Variants in FNDC3A observed in about 807,000 individuals in gnomAD.
FNDC3A encodes the protein fibronectin type-III domain-containing protein 3A.
A neutral mutation model predicts 148.9 loss-of-function variants in FNDC3A; 32 were observed. The observed-to-expected ratio is 0.21, with a 90% CI of 0.16 to 0.29. FNDC3A has a LOEUF of 0.29. FNDC3A is among the 10% of genes least tolerant of loss of function. FNDC3A has a pLI of 1.00. For synonymous variants in FNDC3A, 472 were observed against 473.6 expected (o/e 1.00, Z 0.04); for missense variants, 1,191 against 1,452.8 (o/e 0.82, Z 2.93).
chr13:49,130,298 A>G (rs796173323), intron 4 of FNDC3A, among the ~76,000 whole-genome samples: 23 of 151,970 alleles, frequency 1.5e-4, no homozygotes, highest in African/African-American at 5.5e-4. Flanking sequence ...AGGAGTTAAT[A>G]TAGTAATATT....
chr13:49,167,432 C>A, intron 9 of FNDC3A, 129 bp downstream of exon 9: 3 of 598,208 alleles, frequency 5.0e-6, no homozygotes, highest in South Asian at 6.6e-5. Flanking sequence ...ACTTTGTGGG[C>A]TGGGCGCAGT....
At chr13:49,054,004 T>G (rs1414060915) in intron 2 of FNDC3A, among the ~76,000 whole-genome samples, 1 of 152,218 alleles carries the variant, frequency 6.6e-6, no homozygotes, top group Non-Finnish European at 1.5e-5. Flanking sequence ...TGGTATCTTG[T>G]TTCTGCAAAG....
intron 13 of FNDC3A, among the ~76,000 whole-genome samples, chr13:49,176,860 G>T (rs1251916436): frequency 6.6e-6 from 1 of 152,142 alleles, no homozygotes; most frequent in East Asian, 1.9e-4. Flanking sequence ...GAGTGCAGTG[G>T]CACAATCTCA....
intron 3 of FNDC3A, among the ~76,000 whole-genome samples, chr13:49,098,707 C>T (rs1019666409): frequency 6.6e-6 from 1 of 152,116 alleles, no homozygotes; most frequent in African/African-American, 2.4e-5. Flanking sequence ...ATCACTGATA[C>T]ATCTAATTGT....
intron 2 of FNDC3A, among the ~76,000 whole-genome samples, chr13:49,043,619 T>A (rs900161232): frequency 5.3e-5 from 8 of 152,352 alleles, no homozygotes; most frequent in East Asian, 1.9e-4. Context: ...GTAATTTTTT[T>A]AATTCAATTT....
chr13:49,191,979 C>T (rs1018384127), intron 19 of FNDC3A, among the ~76,000 whole-genome samples: 1 of 152,078 alleles, frequency 6.6e-6, no homozygotes, highest in African/African-American at 2.4e-5. Context: ...AAATATTTTG[C>T]CCACAGTCAT....
At chr13:49,146,290 A>G (rs1882990235) in intron 8 of FNDC3A, 1 of 179,046 alleles carries the variant, frequency 5.6e-6, no homozygotes, top group Non-Finnish European at 1.2e-5. Flanking sequence ...ATAAAGTATG[A>G]CATTGCTCCT....
In FNDC3A at chr13:49,047,149, T is replaced by A. The variant is rs571650347; in HGVS notation, c.100-28140T>A. ...CCAGGTTGCTGCAAGTGCCATTATT[T>A]TTTTTTTTTTAATGCCTGAGTAGTA... On this transcript the variant is annotated intron_variant, in intron 2 of 25. Transcript: ENST00000492622. Among the ~76,000 whole-genome samples, 337 of 151,268 alleles carry A rather than the reference T, an allele frequency of 2.2e-3. 2 individuals carry two copies. Among genetic ancestry groups the A allele is most frequent in the African/African-American group, 7.1e-3 (291 of 40,966 alleles).
chr13:49,077,979 T>C (rs1294959907), intron 3 of FNDC3A, among the ~76,000 whole-genome samples: 1 of 152,226 alleles, frequency 6.6e-6, no homozygotes, highest in Non-Finnish European at 1.5e-5. Flanking sequence ...TTTTATTCTG[T>C]GTACTTCATA....
intron 2 of FNDC3A, among the ~76,000 whole-genome samples, chr13:49,035,396 A>C (rs1874423231): frequency 6.6e-6 from 1 of 151,998 alleles, no homozygotes; most frequent in African/African-American, 2.4e-5. Flanking sequence ...TATTTTAAGA[A>C]TCTCCTGTAT....
At chr13:49,086,043 C>T (rs1485262074) in intron 3 of FNDC3A, among the ~76,000 whole-genome samples, 2 of 152,030 alleles carry the variant, frequency 1.3e-5, no homozygotes, top group African/African-American at 4.8e-5. Flanking sequence ...CCATCATGCC[C>T]GGCTAATTTT....
chr13:49,048,677 A>C lies in FNDC3A; in HGVS notation c.100-26612A>C, dbSNP rs2137706127. On this transcript the variant is annotated intron_variant, in intron 2 of 25. Coordinates refer to ENST00000492622, the MANE Select transcript of FNDC3A (RefSeq NM_001079673.2). ...TGTGTATATTAATTTTGTATCCTGAAATTTTGCTGAATTCATCTACAGTTC... is the reference window on the plus strand; with the variant it reads ...TGTGTATATTAATTTTGTATCCTGACATTTTGCTGAATTCATCTACAGTTC... Among the ~76,000 whole-genome samples the C allele has an allele frequency of 2.0e-5, 3 of 152,176 alleles. No individual in the cohort carries two copies. In the South Asian group the frequency reaches 6.2e-4, roughly 32 times the overall value.
At chr13:49,087,286 T>A (rs1052626695) in intron 3 of FNDC3A, among the ~76,000 whole-genome samples, 4 of 152,110 alleles carry the variant, frequency 2.6e-5, no homozygotes, top group African/African-American at 9.7e-5. Context: ...ATGTGAAATA[T>A]CTTATATTAG....
intron 2 of FNDC3A, chr13:49,045,622 T>C: frequency 1.6e-6 from 1 of 642,194 alleles, no homozygotes; most frequent in Non-Finnish European, 2.6e-6. Context: ...GTGAGTCTAG[T>C]TCTGTTAAGG....
rs1393255951 is a variant in FNDC3A, at chr13:49,157,255, CTTCATTTCA to C, written c.978-9978_978-9970del. The stretch of plus-strand genomic sequence containing the variant: ...TTTTTTCTCTAAACTTCCCTTCTCG[CTTCATTTCA>C]TTCATTTCATCTTCCATTGCTGATA... On this transcript the variant is annotated intron_variant, in intron 8 of 25. Coordinates refer to ENST00000492622, the MANE Select transcript of FNDC3A (RefSeq NM_001079673.2). 5.6e-5 allele frequency among the ~76,000 whole-genome samples: 7 copies of C among 125,866 alleles called. No homozygotes were observed. The East Asian group carries it at 1.7e-3, about 30-fold the overall frequency. The allele number at this position is 125,866 out of a possible 152,430, so 82.6% of individuals were successfully genotyped here.
intron 2 of FNDC3A, among the ~76,000 whole-genome samples, chr13:49,036,978 G>A (rs1874537127): frequency 6.6e-6 from 1 of 152,170 alleles, no homozygotes; most frequent in Non-Finnish European, 1.5e-5. Flanking sequence ...GAAAGGAGTA[G>A]AACAGATGGA....
At chr13:49,021,769 T>A (rs988660305) in intron 2 of FNDC3A, among the ~76,000 whole-genome samples, 4 of 152,220 alleles carry the variant, frequency 2.6e-5, no homozygotes, top group African/African-American at 2.4e-5. Flanking sequence ...TTTTGGAGGT[T>A]AACACTGTGT....
At chr13:49,085,893 T>C (rs1042363935) in intron 3 of FNDC3A, among the ~76,000 whole-genome samples, 6 of 151,090 alleles carry the variant, frequency 4.0e-5, no homozygotes, top group African/African-American at 1.5e-4. Context: ...TTTTTTTTTT[T>C]TCCCCTTGAG....
intron 2 of FNDC3A, among the ~76,000 whole-genome samples, chr13:49,064,394 GC>G (rs1418776869): frequency 3.5e-5 from 1 of 28,612 alleles, no homozygotes; most frequent in Non-Finnish European, 7.5e-5. Context: ...TAGAAATATT[GC>G]CCCCCGCCCC....
Sources: allele counts gnomAD v4.1 joint callset (sites outside exome capture counted in the v4.1 genomes callset), GRCh38; gene constraint gnomAD v4.1.1; transcripts MANE v1.5; gene names NCBI Gene and HGNC (gene_info 2026-07-23, HGNC 2026-07-21).